COL27A1: variants seen among roughly 807,000 people sequenced by gnomAD.
COL27A1 encodes collagen type XXVII alpha 1 chain.
A neutral mutation model predicts 251.3 loss-of-function variants in COL27A1; 106 were observed. The observed-to-expected ratio is 0.42, with a 90% CI of 0.36 to 0.50. COL27A1 has a LOEUF of 0.50. Ranked by LOEUF, COL27A1 falls within the 20% of genes least tolerant of loss-of-function variation. The pLI is 0.00. For synonymous variants in COL27A1, 1,000 were observed against 986.3 expected (o/e 1.01, Z -0.26); for missense variants, 2,325 against 2,522.8 (o/e 0.92, Z 1.68).
At chr9:114,257,432 C>T (rs1834000158) in intron 27 of COL27A1, among the ~76,000 whole-genome samples, 1 of 152,040 alleles carries the variant, frequency 6.6e-6, no homozygotes, top group Non-Finnish European at 1.5e-5. Flanking sequence ...TCCCTCCGTT[C>T]CCACCCTCTG....
chr9:114,266,685 C>T, intron 33 of COL27A1, 67 bp downstream of exon 33: 2 of 1,424,148 alleles, frequency 1.4e-6, no homozygotes, highest in East Asian at 2.3e-5. Flanking sequence ...TCCCTTCCCT[C>T]CTCCCCAGGA....
rs528925890 is a variant in COL27A1, at chr9:114,244,585, A to G, written c.2934+1025A>G. 1.4e-3 allele frequency among the ~76,000 whole-genome samples: 215 copies of G among 152,306 alleles called. 1 individual carries two copies. Among genetic ancestry groups the G allele is most frequent in the African/African-American group, 5.1e-3 (213 of 41,570 alleles). On this transcript the variant is annotated intron_variant, in intron 23 of 60. Transcript: ENST00000356083. ...GTTAGGACAGAGCCAGGGGGAGCGC[A>G]GGTCATCCATATCTCCCTCCCTTCT...
At chr9:114,175,444 C>T (rs1564429991) in intron 3 of COL27A1, among the ~76,000 whole-genome samples, 2 of 152,332 alleles carry the variant, frequency 1.3e-5, no homozygotes, top group South Asian at 4.1e-4. Context: ...CACCCGTGCT[C>T]GCCACGAGCA....
intron 13 of COL27A1, among the ~76,000 whole-genome samples, chr9:114,220,720 G>T (rs764324896): frequency 4.6e-5 from 7 of 152,130 alleles, no homozygotes; most frequent in African/African-American, 1.7e-4. Context: ...GAGGCCGGGC[G>T]CAGTGGCTCA....
intron 3 of COL27A1, among the ~76,000 whole-genome samples, chr9:114,173,104 C>CCCAGGAGGG (rs1235740905): frequency 6.6e-6 from 1 of 152,134 alleles, no homozygotes; most frequent in African/African-American, 2.4e-5. Context: ...CTGTGGGAGC[C>CCCAGGAGGG]CCAGGAGGGG....
chr9:114,301,691 G>A lies in COL27A1; in HGVS notation c.4819G>A (p.Gly1607Ser), dbSNP rs768729888. The A allele has an allele frequency of 2.5e-6, 4 of 1,611,328 alleles. No individual in the cohort carries two copies. Among genetic ancestry groups the A allele is most frequent in the Admixed American group, 3.4e-5 (2 of 59,696 alleles). Residue 1607 changes from glycine to serine, a missense_variant, in exon 55 of 61, where the codon GGC becomes AGC. Physicochemically the swap from Gly to Ser is moderately conservative, Grantham distance 56. Around this residue, in one of 4 missense-constraint regions of COL27A1, gnomAD observed 327 missense variants for 442.8 expected, o/e 0.74. Coordinates refer to ENST00000356083, the MANE Select transcript of COL27A1 (RefSeq NM_032888.4). The part of the protein sequence containing the change: ...WGLQGPRGPP[G>S]PRGRPGPPGP... ...TCTCTTGTTCCCCCAGGGTCCTCCC[G>A]GCCCCAGAGGGCGGCCCGGCCCCCC... is the stretch of plus-strand genomic sequence containing the variant.
chr9:114,307,474 G>T (rs571138366), intron 58 of COL27A1, 195 bp from the exon 59 acceptor site: 10 of 578,362 alleles, frequency 1.7e-5, no homozygotes, highest in African/African-American at 1.7e-4. Context: ...TCCTCTGGGG[G>T]CTCTGCCAGT....
At chr9:114,180,226 C>T (rs1182017130) in intron 4 of COL27A1, among the ~76,000 whole-genome samples, 1 of 152,174 alleles carries the variant, frequency 6.6e-6, no homozygotes, top group East Asian at 1.9e-4. Flanking sequence ...GGTTACCTCT[C>T]TCTCCTACGT....
At position 114,288,936 on chromosome 9, in the gene COL27A1, T is replaced by A. The variant is rs1027203347; in HGVS notation, c.4121T>A (p.Leu1374His). 6.2e-7 allele frequency: 1 copy of A among 1,613,682 alleles called. No individual in the cohort carries two copies. The highest frequency in any genetic ancestry group is 1.3e-5 in the African/African-American group (1 of 75,034). ...GYPGQEGVQG[L>H]RGKPGQQGQP... ...CAGGGACAGGAGGGTGTGCAAGGCCTCCGTGGAAAGCCAGGCCAGCAGGGC... is the reference window on the plus strand; with the variant it reads ...CAGGGACAGGAGGGTGTGCAAGGCCACCGTGGAAAGCCAGGCCAGCAGGGC... The change falls in exon 44 of 61, where the codon CTC becomes CAC. Residue 1374 changes from leucine to histidine, a missense_variant. Leu to His is a moderately conservative substitution (Grantham distance 99). Coordinates refer to ENST00000356083, the MANE Select transcript of COL27A1 (RefSeq NM_032888.4).
intron 39 of COL27A1, 37 bp from the exon 40 acceptor site, chr9:114,283,672 C>A: frequency 6.2e-7 from 1 of 1,604,684 alleles, no homozygotes; most frequent in Non-Finnish European, 8.5e-7. Flanking sequence ...CTGTGAGAGC[C>A]ACACTCCATA....
rs772859482 is a variant in COL27A1, at chr9:114,202,548, T to G, written c.2125-2554T>G. 7.2e-4 allele frequency among the ~76,000 whole-genome samples: 110 copies of G among 152,328 alleles called. 2 individuals are homozygous for G. The highest frequency in any genetic ancestry group is 1.2e-3 in the South Asian group (6 of 4,824). On this transcript the variant is annotated intron_variant, in intron 7 of 60. Coordinates refer to ENST00000356083, the MANE Select transcript of COL27A1 (RefSeq NM_032888.4). ...GATCACGGCTGTTAGTTACATCATG[T>G]CGCGCTACCTCCCTGCTCGAAGAGC...
At chr9:114,225,182 A>G (rs909529387) in intron 14 of COL27A1, among the ~76,000 whole-genome samples, 1 of 152,182 alleles carries the variant, frequency 6.6e-6, no homozygotes, top group South Asian at 2.1e-4. Flanking sequence ...AAATGGGAAA[A>G]CTGAGGCCCT....
chr9:114,162,169 T>C (rs927891977), intron 1 of COL27A1, among the ~76,000 whole-genome samples: 2 of 152,216 alleles, frequency 1.3e-5, no homozygotes, highest in Non-Finnish European at 2.9e-5. Context: ...GCACTGGTTC[T>C]GGTTAAGGGG....
intron 7 of COL27A1, among the ~76,000 whole-genome samples, chr9:114,203,213 C>G (rs76011883): frequency 7.0e-4 from 107 of 152,302 alleles, no homozygotes; most frequent in African/African-American, 2.5e-3. Flanking sequence ...TCTCATTCTT[C>G]CTGTGCCTAG....
Position 114,219,859 on chromosome 9 carries a change from T to C in COL27A1, c.2421+15T>C. On this transcript the variant is annotated intron_variant, in intron 13 of 60. Coordinates refer to ENST00000356083, the MANE Select transcript of COL27A1 (RefSeq NM_032888.4). The stretch of plus-strand genomic sequence containing the variant: ...ATGGAAATCCTGTGAGTATTTCAAG[T>C]CTTTGGGAACAGGAGCGAGATTCTG... The C allele has an allele frequency of 6.3e-7, 1 of 1,596,604 alleles. No individual in the cohort carries two copies.
At chr9:114,287,979 C>G (rs1187328749) in intron 41 of COL27A1, among the ~76,000 whole-genome samples, 2 of 152,238 alleles carry the variant, frequency 1.3e-5, no homozygotes, top group Non-Finnish European at 2.9e-5. Context: ...TGCGTGCCAG[C>G]TGCTGGAGTT....
At chr9:114,196,913 G>A (rs189916681) in intron 7 of COL27A1, among the ~76,000 whole-genome samples, 1 of 152,246 alleles carries the variant, frequency 6.6e-6, no homozygotes, top group Admixed American at 6.5e-5. Context: ...CCCAGCTTCA[G>A]GCCATGAGGC....
At chr9:114,212,479 A>C (rs1830432701) in intron 12 of COL27A1, among the ~76,000 whole-genome samples, 1 of 152,236 alleles carries the variant, frequency 6.6e-6, no homozygotes, top group Non-Finnish European at 1.5e-5. Context: ...TGAATGGGGA[A>C]ATGGAAGAAT....
chr9:114,205,872 G>A, intron 9 of COL27A1, 60 bp downstream of exon 9: 3 of 1,492,788 alleles, frequency 2.0e-6, no homozygotes, highest in East Asian at 2.3e-5. Flanking sequence ...GGCCACAGGT[G>A]CCCCGAGGCA....
Sources: allele counts gnomAD v4.1 joint callset (sites outside exome capture counted in the v4.1 genomes callset), GRCh38; gene constraint gnomAD v4.1.1; regional missense constraint gnomAD v4.1.1; transcripts MANE v1.5; gene names NCBI Gene and HGNC (gene_info 2026-07-23, HGNC 2026-07-21).